MTMR7: variants seen among roughly 807,000 people sequenced by gnomAD.
MTMR7 encodes the protein phosphatidylinositol-3-phosphate phosphatase MTMR7.
A neutral mutation model predicts 81.2 loss-of-function variants in MTMR7; 76 were observed. That is an observed-to-expected ratio of 0.94 (90% confidence interval 0.78 to 1.13). MTMR7 has a LOEUF of 1.13. MTMR7 is among the 50% of genes most tolerant of loss of function. The pLI, the probability that MTMR7 is intolerant of heterozygous loss-of-function variation, is 0.00. For synonymous variants in MTMR7, 372 were observed against 289.8 expected (o/e 1.28, Z -2.88); for missense variants, 1,044 against 820.0 (o/e 1.27, Z -3.34).
At position 17,393,090 on chromosome 8, in the gene MTMR7, G is replaced by A. The variant is rs1330219816; in HGVS notation, c.25-19850C>T. On this transcript the variant is annotated intron_variant, in intron 1 of 13. Transcript: ENST00000180173. Reference sequence around the variant, plus strand: ...GCTAAGGATAGACAAAGATATTAAAGGAATAGAACTGAGAGTCCAGAAATA... The same window carrying A: ...GCTAAGGATAGACAAAGATATTAAAAGAATAGAACTGAGAGTCCAGAAATA... Among the ~76,000 whole-genome samples, 5 of 152,222 alleles carry A rather than the reference G, an allele frequency of 3.3e-5. No individual in the cohort carries two copies. In the South Asian group the frequency reaches 6.2e-4, roughly 19 times the overall value.
At chr8:17,320,948 G>T (rs1019742095) in intron 7 of MTMR7, among the ~76,000 whole-genome samples, 1 of 152,126 alleles carries the variant, frequency 6.6e-6, no homozygotes, top group Non-Finnish European at 1.5e-5. Flanking sequence ...TGAAGTCTCA[G>T]GATGCAATTG....
At chr8:17,363,111 A>C (rs1820108359) in intron 3 of MTMR7, among the ~76,000 whole-genome samples, 1 of 152,258 alleles carries the variant, frequency 6.6e-6, no homozygotes, top group Non-Finnish European at 1.5e-5. Flanking sequence ...ACCAGAGCAG[A>C]CGCGTTCCGT....
In MTMR7 at chr8:17,297,007, G is replaced by C. The variant is rs936635703; in HGVS notation, c.*2855C>G. The C allele has an allele frequency of 4.6e-5, 7 of 152,062 alleles. No individual in the cohort carries two copies. Among genetic ancestry groups the C allele is most frequent in the Non-Finnish European group, 5.9e-5 (4 of 67,978 alleles). The allele number at this position is 152,062 out of a possible 1,614,324, so 9.4% of individuals were successfully genotyped here. A position where few individuals can be genotyped will look rare whatever the true frequency, so the allele number is the denominator to read the frequency against. On this transcript the variant is annotated 3_prime_UTR_variant, in exon 14 of 14. Coordinates refer to ENST00000180173, the MANE Select transcript of MTMR7 (RefSeq NM_004686.5). ...CATTTGAATATGCCCGTATGAATGT[G>C]GGTTCTGTTTTTGCAACAGAGATTA...
intron 13 of MTMR7, 37 bp downstream of exon 13, chr8:17,302,117 G>A: frequency 6.2e-7 from 1 of 1,613,138 alleles, no homozygotes; most frequent in Non-Finnish European, 8.5e-7. Context: ...CAAGAAATAA[G>A]CACAGAAAAT....
At chr8:17,338,022 T>G (rs567850443) in intron 6 of MTMR7, among the ~76,000 whole-genome samples, 5 of 152,344 alleles carry the variant, frequency 3.3e-5, no homozygotes, top group African/African-American at 1.2e-4. Flanking sequence ...GTCCACACCT[T>G]CTAGAGCAAA....
chr8:17,303,685 C>T (rs1472873658), intron 12 of MTMR7, among the ~76,000 whole-genome samples: 1 of 151,710 alleles, frequency 6.6e-6, no homozygotes, highest in Non-Finnish European at 1.5e-5. Flanking sequence ...TCTCGGCTCA[C>T]CGCAACCTCC....
At chr8:17,324,855 G>C (rs767512013) in intron 7 of MTMR7, among the ~76,000 whole-genome samples, 2 of 152,180 alleles carry the variant, frequency 1.3e-5, no homozygotes, top group African/African-American at 2.4e-5. Flanking sequence ...TAAGTAATCT[G>C]AGGAAATTAA....
intron 3 of MTMR7, among the ~76,000 whole-genome samples, chr8:17,366,864 T>A (rs1820240301): frequency 8.2e-6 from 1 of 121,916 alleles, no homozygotes; most frequent in Non-Finnish European, 1.5e-5. Flanking sequence ...CCAGCCTGGA[T>A]GACAGAGCGA....
intron 1 of MTMR7, among the ~76,000 whole-genome samples, chr8:17,409,707 C>G (rs1171105187): frequency 2.0e-5 from 3 of 152,064 alleles, no homozygotes; most frequent in Non-Finnish European, 1.5e-5. Context: ...GGGGAAAACA[C>G]AAGGTGTTAT....
chr8:17,342,904 G>A (rs569102430), intron 5 of MTMR7, among the ~76,000 whole-genome samples: 12 of 152,092 alleles, frequency 7.9e-5, no homozygotes, highest in Non-Finnish European at 1.3e-4. Flanking sequence ...GGCAAGCGAC[G>A]GCAAGGCCAG....
intron 1 of MTMR7, among the ~76,000 whole-genome samples, chr8:17,374,509 T>G (rs1330302512): frequency 1.3e-5 from 2 of 151,986 alleles, no homozygotes; most frequent in East Asian, 3.9e-4. Context: ...TAGTCCCAGC[T>G]ACTCAGGAGT....
intron 1 of MTMR7, among the ~76,000 whole-genome samples, chr8:17,403,360 C>T (rs1391147526): frequency 6.6e-6 from 1 of 152,144 alleles, no homozygotes; most frequent in Admixed American, 6.6e-5. Flanking sequence ...ATGTCATTGG[C>T]ACTATTTTCG....
intron 5 of MTMR7, among the ~76,000 whole-genome samples, chr8:17,341,900 T>C (rs977174418): frequency 6.7e-6 from 1 of 150,320 alleles, no homozygotes; most frequent in African/African-American, 2.5e-5. Context: ...ATAGAAATTA[T>C]TTTTTAATGC....
intron 1 of MTMR7, among the ~76,000 whole-genome samples, chr8:17,374,692 A>C (rs1820520533): frequency 6.6e-6 from 1 of 152,180 alleles, no homozygotes; most frequent in African/African-American, 2.4e-5. Flanking sequence ...AGGTGCCTGC[A>C]ATCCCAGCTA....
intron 1 of MTMR7, among the ~76,000 whole-genome samples, chr8:17,401,678 T>C (rs1303307181): frequency 3.3e-5 from 5 of 152,008 alleles, no homozygotes; most frequent in African/African-American, 9.7e-5. Flanking sequence ...GGATTTACTA[T>C]TGGCATAGAT....
At chr8:17,310,297 A>T (rs183454454) in intron 9 of MTMR7, among the ~76,000 whole-genome samples, 6 of 152,284 alleles carry the variant, frequency 3.9e-5, no homozygotes, top group African/African-American at 1.4e-4. Context: ...TACCACACCC[A>T]GCCTGGATTT....
rs533006489 is a variant in MTMR7, at chr8:17,348,907, A to T, written c.597+46T>A. ...AGCTAGAAAATGCCTGCTTATGATA[A>T]ACTAGAAAAGCAAAGTGTAAAACAA... On this transcript the variant is annotated intron_variant, in intron 5 of 13. Transcript: ENST00000180173. 4 of 1,611,126 alleles carry T rather than the reference A, an allele frequency of 2.5e-6. No homozygotes were observed. In the East Asian group the frequency reaches 8.9e-5, roughly 36 times the overall value.
At chr8:17,307,119 A>G (rs1397909837) in intron 10 of MTMR7, among the ~76,000 whole-genome samples, 2 of 152,204 alleles carry the variant, frequency 1.3e-5, no homozygotes, top group African/African-American at 2.4e-5. Flanking sequence ...AAAATGGGAG[A>G]AAATTTTTGC....
chr8:17,399,244 C>T (rs959007378), intron 1 of MTMR7, among the ~76,000 whole-genome samples: 2 of 152,010 alleles, frequency 1.3e-5, no homozygotes, highest in African/African-American at 4.8e-5. Flanking sequence ...CTAAAGACTC[C>T]ACCAAAAAAC....
Sources: allele counts gnomAD v4.1 joint callset (sites outside exome capture counted in the v4.1 genomes callset), GRCh38; gene constraint gnomAD v4.1.1; transcripts MANE v1.5; gene names NCBI Gene and HGNC (gene_info 2026-07-23, HGNC 2026-07-21).